INPP5D: variants seen among roughly 807,000 people sequenced by gnomAD.
INPP5D encodes inositol polyphosphate-5-phosphatase D.
Under a neutral mutation model 122.9 loss-of-function variants are expected in INPP5D, and 33 were observed. The ratio of observed to expected loss-of-function variants is 0.27; its 90% CI spans 0.20 to 0.36. The LOEUF is 0.36. Ranked by LOEUF, INPP5D falls within the 10% of genes least tolerant of loss-of-function variation. The pLI, the probability that INPP5D is intolerant of heterozygous loss-of-function variation, is 1.00. For missense variants in INPP5D, 1,053 were observed against 1,412.7 expected, an observed-to-expected ratio of 0.75 and a Z score of 4.08; for synonymous variants, 584 against 576.2, an observed-to-expected ratio of 1.01 and a Z score of -0.19.
chr2:233,070,598 T>C (rs1311775262), intron 1 of INPP5D, among the ~76,000 whole-genome samples: 1 of 152,070 alleles, frequency 6.6e-6, no homozygotes, highest in Non-Finnish European at 1.5e-5. Context: ...CCCGCCACCA[T>C]GCCCAGCTAA....
At chr2:233,205,301 CGCCA>C (rs1478173483) in intron 26 of INPP5D, 4 of 139,670 alleles carry the variant, frequency 2.9e-5, no homozygotes, top group Non-Finnish European at 6.1e-5. Context: ...GCCGAGATTG[CGCCA>C]CTGCACTCCA....
In INPP5D at chr2:233,198,220, C is replaced by T. The variant is rs765764355; in HGVS notation, c.2819C>T (p.Thr940Ile). The T allele has an allele frequency of 1.7e-5, 27 of 1,613,548 alleles. No individual in the cohort carries two copies. The highest frequency in any genetic ancestry group is 9.9e-5 in the South Asian group (9 of 91,092). Residue 940 changes from threonine (T) to isoleucine (I), a missense_variant, in exon 25 of 27, where the codon ACA becomes ATA. Around this residue, in one of 6 missense-constraint regions of INPP5D, gnomAD observed 417 missense variants for 425.8 expected, o/e 0.98. Coordinates refer to ENST00000445964, the MANE Select transcript of INPP5D (RefSeq NM_001017915.3). ...ACCTTGTCCCCTGACCAGCAGCCCA[C>T]AGCCTGGAGCTACGACCAGCCGCCC... ...KQTLSPDQQP[T>I]AWSYDQPPKD...
At chr2:233,133,075 G>T (rs1485149943) in intron 5 of INPP5D, among the ~76,000 whole-genome samples, 1 of 151,680 alleles carries the variant, frequency 6.6e-6, no homozygotes, top group Non-Finnish European at 1.5e-5. Flanking sequence ...TGGGACTACA[G>T]GTATGTGCCA....
At chr2:233,165,378 ATGTGTGTTTG>A (rs1045846757) in intron 13 of INPP5D, among the ~76,000 whole-genome samples, 1 of 150,642 alleles carries the variant, frequency 6.6e-6, no homozygotes, top group African/African-American at 2.5e-5. Flanking sequence ...GAGTCCATGC[ATGTGTGTTTG>A]TGTGTGTTTA....
In INPP5D at chr2:233,078,927, C is replaced by T. The variant is rs1316084966; in HGVS notation, c.135-408C>T. ...CAATCTCTTGACCTTGTGATCCACC[C>T]ATCTCAGCCTCCCAAAGTGCTGGGA... is the stretch of plus-strand genomic sequence containing the variant. On this transcript the variant is annotated intron_variant, in intron 1 of 26. Coordinates refer to ENST00000445964, the MANE Select transcript of INPP5D (RefSeq NM_001017915.3). This position sits in a 1 kb window ranked among gnomAD's most constrained non-coding sequence, Gnocchi z 4.6. Among the ~76,000 whole-genome samples the T allele has an allele frequency of 6.6e-6, 1 of 152,120 alleles. No homozygotes were observed. Among genetic ancestry groups the T allele is most frequent in the African/African-American group, 2.4e-5 (1 of 41,424 alleles).
chr2:233,145,092 T>C (rs1420771783), intron 6 of INPP5D, among the ~76,000 whole-genome samples: 1 of 152,124 alleles, frequency 6.6e-6, no homozygotes, highest in Non-Finnish European at 1.5e-5. Flanking sequence ...TATTNTGAAC[T>C]TAATAAGGTA....
chr2:233,104,746 G>A lies in INPP5D; in HGVS notation c.199-17361G>A, dbSNP rs554342003. ...ATCGTTTGGTCAGCTGTTGAGGACAGGCTTGAGATGGACAAGTGCAAGGAT... is the reference window on the plus strand; with the variant it reads ...ATCGTTTGGTCAGCTGTTGAGGACAAGCTTGAGATGGACAAGTGCAAGGAT... On this transcript the variant is annotated intron_variant, in intron 2 of 26. Transcript: ENST00000445964. 1.1e-4 allele frequency among the ~76,000 whole-genome samples: 17 copies of A among 152,340 alleles called. No homozygotes were observed. The East Asian group carries it at 3.3e-3, about 29-fold the overall frequency.
intron 5 of INPP5D, among the ~76,000 whole-genome samples, chr2:233,132,395 T>C (rs950991065): frequency 3.3e-5 from 5 of 152,222 alleles, no homozygotes; most frequent in African/African-American, 1.2e-4. Flanking sequence ...ACTATGGCGG[T>C]GCCAGCTTCC....
At chr2:233,112,946 C>T (rs1692671590) in intron 2 of INPP5D, among the ~76,000 whole-genome samples, 1 of 152,194 alleles carries the variant, frequency 6.6e-6, no homozygotes, top group Non-Finnish European at 1.5e-5. Context: ...GTGTGAGCCA[C>T]TGCACCTGAC....
intron 6 of INPP5D, among the ~76,000 whole-genome samples, chr2:233,142,888 C>T (rs1283060912): frequency 6.6e-6 from 1 of 152,042 alleles, no homozygotes; most frequent in Non-Finnish European, 1.5e-5. Context: ...GTGGAGGACT[C>T]CTGTGCACTC....
chr2:233,163,164 G>A (rs765495998), intron 11 of INPP5D, among the ~76,000 whole-genome samples: 3 of 152,332 alleles, frequency 2.0e-5, no homozygotes, highest in South Asian at 4.1e-4. Flanking sequence ...AGGGAGAACC[G>A]TTCAAAATTT....
chr2:233,171,276 GA>G, intron 17 of INPP5D, 124 bp downstream of exon 17: 1 of 1,412,280 alleles, frequency 7.1e-7, no homozygotes, highest in Non-Finnish European at 9.5e-7. Context: ...AAAAAAATTA[GA>G]AAGCACATGT....
chr2:233,179,569 C>T lies in INPP5D; in HGVS notation c.2071+2223C>T, dbSNP rs143823864. Among the ~76,000 whole-genome samples, 130 of 152,310 alleles carry T rather than the reference C, an allele frequency of 8.5e-4. 5 individuals carry two copies. Among genetic ancestry groups the T allele is most frequent in the African/African-American group, 3.0e-3 (123 of 41,570 alleles). On this transcript the variant is annotated intron_variant, in intron 18 of 26. Transcript: ENST00000445964. ...GACACCCTTTGCCCCCACCTCCGGG[C>T]CCGGAATATGAGGGTTGGGGAGGAA...
intron 2 of INPP5D, among the ~76,000 whole-genome samples, chr2:233,089,549 T>C (rs1691939044): frequency 6.6e-6 from 1 of 152,210 alleles, no homozygotes. Context: ...TCCCCAGCTA[T>C]GTATGGAACC....
intron 5 of INPP5D, among the ~76,000 whole-genome samples, chr2:233,136,477 T>TAAAAAAAAA (rs56838121): frequency 2.1e-5 from 3 of 145,148 alleles, no homozygotes; most frequent in Non-Finnish European, 4.5e-5. Flanking sequence ...AGACCGCGTT[T>TAAAAAAAAA]AAAAAAAAAA....
chr2:233,073,640 CAAAAAAAAAA>C (rs752382722), intron 1 of INPP5D, among the ~76,000 whole-genome samples: 2 of 44,202 alleles, frequency 4.5e-5, no homozygotes, highest in Non-Finnish European at 1.0e-4. Flanking sequence ...AACTCAATCT[CAAAAAAAAAA>C]AAAAAAAAAA....
intron 10 of INPP5D, among the ~76,000 whole-genome samples, chr2:233,159,105 C>A (rs1045981465): frequency 6.6e-6 from 1 of 152,134 alleles, no homozygotes; most frequent in African/African-American, 2.4e-5. Flanking sequence ...ACTGGAGCTC[C>A]ATCCCAGAGA....
chr2:233,180,696 G>A (rs1009250828), intron 18 of INPP5D, among the ~76,000 whole-genome samples: 2 of 152,124 alleles, frequency 1.3e-5, no homozygotes, highest in Non-Finnish European at 2.9e-5. Flanking sequence ...CCACCACCAC[G>A]CCCAGCTAAT....
intron 24 of INPP5D, among the ~76,000 whole-genome samples, chr2:233,196,954 T>A (rs1182991758): frequency 6.6e-6 from 1 of 152,224 alleles, no homozygotes; most frequent in East Asian, 1.9e-4. Context: ...CTTTCCCTCT[T>A]TCCCTCCCAT....
Sources: allele counts gnomAD v4.1 joint callset (sites outside exome capture counted in the v4.1 genomes callset), GRCh38; gene constraint gnomAD v4.1.1; regional missense constraint gnomAD v4.1.1; non-coding constraint Gnocchi (gnomAD v3.1); transcripts MANE v1.5; gene names NCBI Gene and HGNC (gene_info 2026-07-23, HGNC 2026-07-21).